Variants in ABCA6 observed in about 807,000 individuals in gnomAD.
ABCA6 encodes ATP binding cassette subfamily A member 6.
A neutral mutation model predicts 191.2 loss-of-function variants in ABCA6; 164 were observed. That is an observed-to-expected ratio of 0.86 (90% CI 0.76 to 0.98). ABCA6 has a LOEUF of 0.98. ABCA6 is among the 50% of genes least tolerant of loss of function. The pLI is 0.00. For missense variants in ABCA6, 1,958 were observed against 1,894.1 expected, an observed-to-expected ratio of 1.03 and a Z score of -0.63; for synonymous variants, 636 against 647.7, an observed-to-expected ratio of 0.98 and a Z score of 0.27.
intron 36 of ABCA6, among the ~76,000 whole-genome samples, chr17:69,082,070 T>G (rs2072648935): frequency 6.6e-6 from 1 of 152,120 alleles, no homozygotes; most frequent in Non-Finnish European, 1.5e-5. Flanking sequence ...CCACTGCTCT[T>G]TCTGTTTTAT....
chr17:69,091,097 A>C (rs2072911618), intron 26 of ABCA6, 46 bp downstream of exon 26: 3 of 1,577,028 alleles, frequency 1.9e-6, no homozygotes, highest in Non-Finnish European at 2.6e-6. Flanking sequence ...GCACTTTAAT[A>C]AGCTACATAT....
In ABCA6 at chr17:69,111,987, C is replaced by T. The variant is rs564051368; in HGVS notation, c.2132+196G>A. On this transcript the variant is annotated intron_variant, in intron 16 of 38. Transcript: ENST00000284425. Reference sequence around the variant, plus strand: ...CTGTGAAAAGTCAGGCTTGGTTTATCATGTTGAAATGTTGCCAATGATTAA... The same window carrying T: ...CTGTGAAAAGTCAGGCTTGGTTTATTATGTTGAAATGTTGCCAATGATTAA... 8 of 511,006 alleles carry T rather than the reference C, an allele frequency of 1.6e-5. No individual in the cohort carries two copies. In the East Asian group the frequency reaches 2.5e-4, roughly 16 times the overall value. The allele number at this position is 511,006 out of a possible 1,614,324, so 31.7% of individuals were successfully genotyped here. A position where few individuals can be genotyped will look rare whatever the true frequency, so the allele number is the denominator to read the frequency against.
chr17:69,126,188 GA>G (rs1455246231), intron 8 of ABCA6, among the ~76,000 whole-genome samples: 1 of 152,148 alleles, frequency 6.6e-6, no homozygotes, highest in Non-Finnish European at 1.5e-5. Flanking sequence ...AATATAGCAA[GA>G]ATGCTGGATA....
intron 23 of ABCA6, among the ~76,000 whole-genome samples, chr17:69,097,381 A>T (rs756031169): frequency 2.3e-4 from 33 of 142,252 alleles, no homozygotes; most frequent in Non-Finnish European, 4.0e-4. Context: ...ACAGAGTGAG[A>T]CTCCATCTCA....
intron 8 of ABCA6, among the ~76,000 whole-genome samples, chr17:69,127,236 A>G (rs2073770934): frequency 6.6e-6 from 1 of 152,180 alleles, no homozygotes. Context: ...TGGTGTAGGC[A>G]ATGATTCCTT....
At chr17:69,130,141 C>T (rs2073835615) in intron 6 of ABCA6, among the ~76,000 whole-genome samples, 2 of 151,724 alleles carry the variant, frequency 1.3e-5, no homozygotes, top group African/African-American at 4.8e-5. Flanking sequence ...CATGGTGAAA[C>T]CCGTCTCTAC....
Position 69,105,484 on chromosome 17 carries a change from G to A in ABCA6, c.2718C>T (p.Ser906=), listed in dbSNP as rs1411716986. 2.5e-6 allele frequency: 4 copies of A among 1,607,796 alleles called. No individual in the cohort carries two copies. In the South Asian group the frequency reaches 4.5e-5, roughly 18 times the overall value. ...PGQLPQEPRT[S]LLIINNTESN... Reference sequence around the variant, plus strand: ...CACCTGTGTTATTGATGATCAACAGGCTGGTACGGGGTTCCTGGGGAAGTT... The same window carrying A: ...CACCTGTGTTATTGATGATCAACAGACTGGTACGGGGTTCCTGGGGAAGTT... The change falls in exon 20 of 39, where the codon AGC becomes AGT. Residue 906 remains serine, a synonymous_variant. Transcript: ENST00000284425.
chr17:69,132,873 AGT>A (rs35431740), intron 6 of ABCA6, among the ~76,000 whole-genome samples: 2 of 151,608 alleles, frequency 1.3e-5, no homozygotes, highest in Admixed American at 6.6e-5. Flanking sequence ...TACATACATG[AGT>A]GTGTGTGTAC....
chr17:69,110,630 G>A (rs1029643551), intron 17 of ABCA6, 171 bp downstream of exon 17: 9 of 695,076 alleles, frequency 1.3e-5, no homozygotes, highest in African/African-American at 1.1e-4. Context: ...GTGCTTCCAC[G>A]AAGCAACTAC....
chr17:69,135,877 T>G (rs2073937946), intron 4 of ABCA6: 2 of 541,894 alleles, frequency 3.7e-6, no homozygotes, highest in Non-Finnish European at 6.5e-6. Flanking sequence ...CACATGCATC[T>G]GCATGCTCAA....
At chr17:69,105,890 G>A in intron 19 of ABCA6, 138 bp downstream of exon 19, 3 of 968,948 alleles carry the variant, frequency 3.1e-6, no homozygotes, top group Non-Finnish European at 4.5e-6. Flanking sequence ...TATTCCCACT[G>A]TCAGAAAAAT....
chr17:69,101,910 A>G (rs1486180941), intron 21 of ABCA6, among the ~76,000 whole-genome samples: 1 of 152,222 alleles, frequency 6.6e-6, no homozygotes, highest in Non-Finnish European at 1.5e-5. Flanking sequence ...GTTTATGTAG[A>G]ACGGAATTCA....
chr17:69,128,974 G>A (rs1439996976), intron 7 of ABCA6, among the ~76,000 whole-genome samples, 170 bp from the exon 8 acceptor site: 4 of 152,090 alleles, frequency 2.6e-5, no homozygotes, highest in Non-Finnish European at 4.4e-5. Context: ...AACTTCTCTT[G>A]AAAAAGGATC....
At chr17:69,112,710 A>G (rs2073451195) in intron 15 of ABCA6, 2 of 160,496 alleles carry the variant, frequency 1.2e-5, no homozygotes, top group Admixed American at 1.2e-4. Flanking sequence ...GGTACAATGT[A>G]TATTATTTGG....
intron 31 of ABCA6, 140 bp downstream of exon 31, chr17:69,085,485 T>A: frequency 1.5e-6 from 1 of 672,412 alleles, no homozygotes. Flanking sequence ...CCAGTAAAAA[T>A]TTAAAGAGGG....
intron 17 of ABCA6, 42 bp from the exon 18 acceptor site, chr17:69,107,854 T>C (rs749449788): frequency 1.6e-5 from 18 of 1,139,802 alleles, no homozygotes; most frequent in African/African-American, 4.6e-5. Flanking sequence ...GAAAACCACA[T>C]TGAGAACTAA....
chr17:69,133,793 T>G lies in ABCA6; in HGVS notation c.639A>C (p.Ile213=), dbSNP rs1415920932. 6.2e-7 allele frequency: 1 copy of G among 1,613,302 alleles called. No homozygotes were observed. The highest frequency in any genetic ancestry group is 8.5e-7 in the Non-Finnish European group (1 of 1,179,544). The change falls in exon 6 of 39, where the codon ATA becomes ATC. Residue 213 remains isoleucine (I), a synonymous_variant. Coordinates refer to ENST00000284425, the MANE Select transcript of ABCA6 (RefSeq NM_080284.3). The part of the protein sequence containing the change: ...TAITMKTLPF[I]TKNLLHNEMF... ...TCTCATTGTGAAGAAGATTTTTAGT[T>G]ATGAAAGGTAATGTCTTCATAGTTA... is the stretch of plus-strand genomic sequence containing the variant.
intron 37 of ABCA6, 72 bp from the exon 38 acceptor site, chr17:69,079,337 T>A: frequency 8.4e-7 from 1 of 1,189,560 alleles, no homozygotes; most frequent in Admixed American, 2.3e-5. Flanking sequence ...TTCAAAATCA[T>A]AAAGAATAAA....
chr17:69,141,653 A>T (rs1410778008), intron 1 of ABCA6, 92 bp downstream of exon 1: 1 of 152,230 alleles, frequency 6.6e-6, no homozygotes, highest in African/African-American at 2.4e-5. Context: ...CATAAAACAC[A>T]TAAGAATTGG....
Sources: allele counts gnomAD v4.1 joint callset (sites outside exome capture counted in the v4.1 genomes callset), GRCh38; gene constraint gnomAD v4.1.1; transcripts MANE v1.5; gene names NCBI Gene and HGNC (gene_info 2026-07-23, HGNC 2026-07-21).